ANAPC10: variants seen among roughly 807,000 people sequenced by gnomAD.
ANAPC10 encodes the protein anaphase promoting complex subunit 10, also known as anaphase-promoting complex subunit 10.
ANAPC10 carries 12 observed loss-of-function variants against 22.0 expected under a neutral mutation model. The ratio of observed to expected loss-of-function variants is 0.55; its 90% CI spans 0.35 to 0.88. The LOEUF is 0.88. Among genes scored for constraint, ANAPC10 ranks in the 40% least tolerant of loss-of-function variants. The pLI is 0.01. For synonymous variants in ANAPC10, 65 were observed against 69.5 expected (o/e 0.94, Z 0.32); for missense variants, 188 against 220.9 (o/e 0.85, Z 0.94).
chr4:145,016,339 G>C (rs1391913056), intron 4 of ANAPC10, among the ~76,000 whole-genome samples: 1 of 152,176 alleles, frequency 6.6e-6, no homozygotes, highest in Non-Finnish European at 1.5e-5. Context: ...AACAAACAGA[G>C]AGCCAAATCA....
intron 4 of ANAPC10, among the ~76,000 whole-genome samples, chr4:145,001,240 G>C (rs1419991583): frequency 1.8e-4 from 22 of 124,544 alleles, no homozygotes; most frequent in Admixed American, 3.2e-4. Flanking sequence ...AGGAGGGAGT[G>C]AGGGAGGGAG....
chr4:145,062,771 A>G (rs952102260), intron 4 of ANAPC10, among the ~76,000 whole-genome samples: 4 of 152,188 alleles, frequency 2.6e-5, no homozygotes, highest in South Asian at 4.1e-4. Context: ...CAACCTAAGT[A>G]TTCATCAATG....
intron 1 of ANAPC10, among the ~76,000 whole-genome samples, chr4:145,096,797 A>C (rs1033963990): frequency 6.6e-6 from 1 of 151,826 alleles, no homozygotes; most frequent in South Asian, 2.1e-4. Flanking sequence ...CGATCCTCCC[A>C]CCTCAGCCTC....
At chr4:145,043,024 AAGTAATGTTCCAAAGGTTC>A (rs1170497322) in intron 4 of ANAPC10, among the ~76,000 whole-genome samples, 1 of 152,088 alleles carries the variant, frequency 6.6e-6, no homozygotes, top group African/African-American at 2.4e-5. Context: ...AAAAGAAATA[AAGTAATGTTCCAAAGGTTC>A]AGTTTACAAG....
intron 4 of ANAPC10, among the ~76,000 whole-genome samples, chr4:145,008,207 C>A (rs1733725493): frequency 6.6e-6 from 1 of 152,086 alleles, no homozygotes; most frequent in Non-Finnish European, 1.5e-5. Flanking sequence ...GCTTACCAAC[C>A]AAAACAAGTC....
At chr4:145,025,120 G>C (rs562822966) in intron 4 of ANAPC10, among the ~76,000 whole-genome samples, 137 of 152,266 alleles carry the variant, frequency 9.0e-4, no homozygotes, top group African/African-American at 3.1e-3. Flanking sequence ...GAATTCAAGA[G>C]TTAGGGTCTT....
chr4:145,026,920 C>CATATATACATATATACATATATATATAT (rs1203858529), intron 4 of ANAPC10, among the ~76,000 whole-genome samples: 1 of 17,012 alleles, frequency 5.9e-5, no homozygotes, highest in Non-Finnish European at 1.5e-4. Context: ...CCTATACATA[C>CATATATACATATATACATATATATATAT]ATATATATAT....
chr4:145,039,248 G>C (rs1451766009), intron 4 of ANAPC10, among the ~76,000 whole-genome samples: 1 of 152,222 alleles, frequency 6.6e-6, no homozygotes, highest in East Asian at 1.9e-4. Context: ...TTTCAAACTA[G>C]AATTCCACAG....
intron 3 of ANAPC10, among the ~76,000 whole-genome samples, chr4:145,074,842 T>C (rs1341827213): frequency 6.6e-6 from 1 of 152,192 alleles, no homozygotes; most frequent in African/African-American, 2.4e-5. Context: ...AACTGGTCTT[T>C]GTGTAGCTCT....
intron 4 of ANAPC10, among the ~76,000 whole-genome samples, chr4:145,054,326 C>A (rs2126353573): frequency 6.7e-6 from 1 of 150,182 alleles, no homozygotes; most frequent in South Asian, 2.1e-4. Context: ...CCGAGGAGGG[C>A]AGATCATGAG....
intron 4 of ANAPC10, among the ~76,000 whole-genome samples, chr4:145,043,953 C>A (rs921508654): frequency 6.6e-6 from 1 of 151,878 alleles, no homozygotes; most frequent in African/African-American, 2.4e-5. Context: ...TTGGGAAGTT[C>A]TTTAATATAT....
intron 3 of ANAPC10, among the ~76,000 whole-genome samples, chr4:145,079,104 AG>A (rs1045629534): frequency 6.6e-6 from 1 of 152,060 alleles, no homozygotes; most frequent in Non-Finnish European, 1.5e-5. Flanking sequence ...GACAACCTAC[AG>A]GATGGGAAAA....
intron 4 of ANAPC10, among the ~76,000 whole-genome samples, chr4:145,061,772 A>C (rs1440181197): frequency 6.6e-6 from 1 of 152,188 alleles, no homozygotes; most frequent in African/African-American, 2.4e-5. Flanking sequence ...ACACTGATTA[A>C]ATGTATCAGA....
chr4:145,014,791 C>T (rs562169509), intron 4 of ANAPC10, among the ~76,000 whole-genome samples: 5 of 152,214 alleles, frequency 3.3e-5, no homozygotes, highest in Non-Finnish European at 5.9e-5. Context: ...AGTACCAGTC[C>T]GGAGGCTGGT....
In ANAPC10 at chr4:145,095,969, G is replaced by C; in HGVS notation, c.115+16C>G. The C allele has an allele frequency of 1.2e-6, 2 of 1,613,942 alleles. No individual in the cohort carries two copies. The highest frequency in any genetic ancestry group is 1.1e-5 in the South Asian group (1 of 91,080). ...AGTGACTATTTCCAACAGCTTTTTT[G>C]TTTGTTAGTTTTTACCTGGTTTGCA... On this transcript the variant is annotated intron_variant, in intron 2 of 4. Coordinates refer to ENST00000507656, the MANE Select transcript of ANAPC10 (RefSeq NM_001256706.2).
At chr4:145,054,604 AGTGTGTG>A (rs1278185903) in intron 4 of ANAPC10, among the ~76,000 whole-genome samples, 72 of 128,326 alleles carry the variant, frequency 5.6e-4, no homozygotes, top group Admixed American at 5.1e-3. Flanking sequence ...CATACTGAAT[AGTGTGTG>A]TGTGTGTGTG....
chr4:145,034,523 TTATA>T (rs370113295), intron 4 of ANAPC10, among the ~76,000 whole-genome samples: 2 of 91,914 alleles, frequency 2.2e-5, no homozygotes, highest in Non-Finnish European at 1.9e-5. Flanking sequence ...AAACTCTCCT[TTATA>T]TATATATATA....
intron 4 of ANAPC10, among the ~76,000 whole-genome samples, chr4:145,020,614 C>T (rs1003430718): frequency 5.9e-5 from 9 of 152,130 alleles, no homozygotes; most frequent in African/African-American, 1.9e-4. Flanking sequence ...TAAAGGACAT[C>T]CAAATCAGTA....
chr4:144,994,755 T>A lies in ANAPC10; in HGVS notation c.*618A>T, dbSNP rs965292961. On this transcript the variant is annotated 3_prime_UTR_variant, in exon 5 of 5. Coordinates refer to ENST00000507656, the MANE Select transcript of ANAPC10 (RefSeq NM_001256706.2). ...GATTATACAGGCAATCTTTACATAA[T>A]ATCATTAGGATACAGACAACCCTAG... 6.6e-6 allele frequency: 1 copy of A among 152,074 alleles called. No homozygotes were observed. Among genetic ancestry groups the A allele is most frequent in the East Asian group, 1.9e-4 (1 of 5,198 alleles). The allele number at this position is 152,074 out of a possible 1,614,324, so 9.4% of individuals were successfully genotyped here. A position where few individuals can be genotyped will look rare whatever the true frequency, so the allele number is the denominator to read the frequency against.
Sources: gnomAD v4.1 joint callset for allele counts (sites outside exome capture counted in the v4.1 genomes callset) on GRCh38, gnomAD v4.1.1 for gene constraint, MANE v1.5 for transcripts, NCBI Gene and HGNC (gene_info 2026-07-23, HGNC 2026-07-21) for gene names.